Variants in EPHA5 observed in about 807,000 individuals in gnomAD.
The protein encoded by EPHA5 is ephrin type-A receptor 5.
A neutral mutation model predicts 105.0 loss-of-function variants in EPHA5; 60 were observed. That is an observed-to-expected ratio of 0.57 (90% CI 0.46 to 0.71). The LOEUF (loss-of-function observed/expected upper bound fraction) is 0.71, where lower values mean the gene tolerates loss of function less well. EPHA5 is among the 30% of genes least tolerant of loss of function. The probability of loss-of-function intolerance (pLI) is 0.00; values close to 1 mark genes in which losing one functional copy is unlikely to be tolerated. For missense variants in EPHA5, 1,218 were observed against 1,274.7 expected (o/e 0.96, Z 0.68); for synonymous variants, 513 against 449.1 (o/e 1.14, Z -1.80).
chr4:65,531,371 C>G (rs1367851771), intron 3 of EPHA5, among the ~76,000 whole-genome samples: 2 of 152,192 alleles, frequency 1.3e-5, no homozygotes, highest in Non-Finnish European at 2.9e-5. Context: ...TCCTTCCTCC[C>G]TGGAAAGTGG....
At chr4:65,527,702 T>C (rs1266256124) in intron 3 of EPHA5, among the ~76,000 whole-genome samples, 1 of 152,114 alleles carries the variant, frequency 6.6e-6, no homozygotes, top group East Asian at 1.9e-4. Flanking sequence ...TTTTAACTTT[T>C]ATTTTAAGTG....
intron 5 of EPHA5, among the ~76,000 whole-genome samples, chr4:65,463,072 A>G (rs1376001296): frequency 3.3e-5 from 5 of 152,232 alleles, no homozygotes; most frequent in African/African-American, 1.2e-4. Context: ...GTAAGTATGT[A>G]GTACACTGAC....
At chr4:65,474,026 G>C (rs570527194) in intron 5 of EPHA5, among the ~76,000 whole-genome samples, 2 of 151,318 alleles carry the variant, frequency 1.3e-5, no homozygotes, top group East Asian at 2.0e-4. Context: ...GTTGTGGGGT[G>C]GGGGGAGAGG....
intron 3 of EPHA5, among the ~76,000 whole-genome samples, chr4:65,570,420 T>G (rs916711864): frequency 1.4e-5 from 2 of 146,014 alleles, no homozygotes; most frequent in African/African-American, 4.9e-5. Context: ...AGCTCTTTAG[T>G]GTGATGGCCT....
Position 65,461,740 on chromosome 4 carries a change from A to G in EPHA5, c.1402+28637T>C, listed in dbSNP as rs556942427. 2.0e-5 allele frequency among the ~76,000 whole-genome samples: 3 copies of G among 152,216 alleles called. No individual in the cohort carries two copies. In the East Asian group the frequency reaches 5.8e-4, roughly 29 times the overall value. On this transcript the variant is annotated intron_variant, in intron 5 of 16. Transcript: ENST00000613740. ...CATTTAATGGGTACAGCAAAACTTC[A>G]TTAACAGCTACAAAAATGGGGCACA...
At chr4:65,659,053 G>A (rs899240606) in intron 1 of EPHA5, among the ~76,000 whole-genome samples, 7 of 151,930 alleles carry the variant, frequency 4.6e-5, no homozygotes, top group African/African-American at 1.2e-4. Context: ...GAGATGAAAG[G>A]TGAGTACATT....
chr4:65,389,380 A>G (rs530894316), intron 8 of EPHA5, among the ~76,000 whole-genome samples: 6 of 152,134 alleles, frequency 3.9e-5, no homozygotes, highest in African/African-American at 1.4e-4. Context: ...ATTCTTGAAT[A>G]TTTCTGAAGA....
chr4:65,358,073 T>C (rs1410552414), intron 11 of EPHA5, among the ~76,000 whole-genome samples: 1 of 151,406 alleles, frequency 6.6e-6, no homozygotes, highest in Non-Finnish European at 1.5e-5. Flanking sequence ...TTATTAGAAA[T>C]GTAAAATAGC....
At chr4:65,404,960 A>C (rs558903460) in intron 7 of EPHA5, among the ~76,000 whole-genome samples, 32 of 152,292 alleles carry the variant, frequency 2.1e-4, no homozygotes, top group Non-Finnish European at 3.5e-4. Context: ...AAATAATGTG[A>C]CTATGACCTC....
intron 3 of EPHA5, among the ~76,000 whole-genome samples, chr4:65,528,274 C>T (rs966193111): frequency 6.6e-6 from 1 of 152,016 alleles, no homozygotes; most frequent in Admixed American, 6.6e-5. Flanking sequence ...GAAATGAGCA[C>T]CTTCTAAATG....
chr4:65,632,103 T>C (rs1054801457), intron 2 of EPHA5, among the ~76,000 whole-genome samples: 2 of 152,026 alleles, frequency 1.3e-5, no homozygotes, highest in Admixed American at 1.3e-4. Flanking sequence ...TTATACATAA[T>C]GTATAGATGA....
At chr4:65,531,013 T>C (rs1560655680) in intron 3 of EPHA5, among the ~76,000 whole-genome samples, 1 of 132,072 alleles carries the variant, frequency 7.6e-6, no homozygotes, top group Non-Finnish European at 1.6e-5. Flanking sequence ...TTTATTTTTT[T>C]TATTTTTTTT....
chr4:65,399,075 C>T (rs1721545683), intron 8 of EPHA5, among the ~76,000 whole-genome samples: 2 of 152,146 alleles, frequency 1.3e-5, no homozygotes, highest in Admixed American at 1.3e-4. Flanking sequence ...TTGGGGAGCC[C>T]AGACCTATGG....
At chr4:65,328,222 C>G (rs1720266088) in intron 16 of EPHA5, among the ~76,000 whole-genome samples, 1 of 151,060 alleles carries the variant, frequency 6.6e-6, no homozygotes, top group Non-Finnish European at 1.5e-5. Flanking sequence ...GTTACATAAA[C>G]ATAGTTTGGA....
chr4:65,430,169 T>A (rs1724839717), intron 5 of EPHA5, among the ~76,000 whole-genome samples: 1 of 152,074 alleles, frequency 6.6e-6, no homozygotes, highest in Non-Finnish European at 1.5e-5. Flanking sequence ...TGTAAGGCCA[T>A]TTTTTACTCA....
At chr4:65,566,374 C>T (rs1739534288) in intron 3 of EPHA5, among the ~76,000 whole-genome samples, 1 of 151,650 alleles carries the variant, frequency 6.6e-6, no homozygotes, top group South Asian at 2.1e-4. Flanking sequence ...CAAATTGACA[C>T]CTCACATAGT....
intron 3 of EPHA5, among the ~76,000 whole-genome samples, chr4:65,579,489 G>A (rs1384547545): frequency 4.0e-5 from 6 of 150,926 alleles, no homozygotes; most frequent in African/African-American, 1.5e-4. Flanking sequence ...CAAAATGTGA[G>A]CCTAATTGCA....
intron 5 of EPHA5, among the ~76,000 whole-genome samples, chr4:65,454,445 G>T (rs1026988714): frequency 6.6e-6 from 1 of 152,112 alleles, no homozygotes; most frequent in Non-Finnish European, 1.5e-5. Context: ...AAATGTCAAT[G>T]CATGAAAAAG....
rs140668146 is a variant in EPHA5, at chr4:65,389,919, C to T, written c.1793+14455G>A. On this transcript the variant is annotated intron_variant, in intron 8 of 16. Transcript: ENST00000613740. ...TTTCCACAGGGAGGTCAAACCTTGC[C>T]AACTTGATGAGATCTTGCCTTCTGC... is the stretch of plus-strand genomic sequence containing the variant. 2.6e-3 allele frequency among the ~76,000 whole-genome samples: 393 copies of T among 151,916 alleles called. 5 individuals carry two copies. The highest frequency in any genetic ancestry group is 8.9e-3 in the African/African-American group (370 of 41,446).
Sources: gnomAD v4.1 joint callset for allele counts (sites outside exome capture counted in the v4.1 genomes callset) on GRCh38, gnomAD v4.1.1 for gene constraint, MANE v1.5 for transcripts, NCBI Gene and HGNC (gene_info 2026-07-23, HGNC 2026-07-21) for gene names.